VAV3: variants seen among roughly 807,000 people sequenced by gnomAD.
VAV3 encodes the protein guanine nucleotide exchange factor VAV3.
Under a neutral mutation model 131.2 loss-of-function variants are expected in VAV3, and 94 were observed. The observed-to-expected ratio is 0.72, with a 90% CI of 0.61 to 0.85. The LOEUF (loss-of-function observed/expected upper bound fraction) is 0.85. Ranked by LOEUF, VAV3 falls within the 40% of genes least tolerant of loss-of-function variation. The probability of loss-of-function intolerance (pLI) is 0.00; values close to 1 mark genes in which losing one functional copy is unlikely to be tolerated. For synonymous variants in VAV3, 349 were observed against 342.0 expected (o/e 1.02, Z -0.22); for missense variants, 939 against 1,002.7 (o/e 0.94, Z 0.86).
At chr1:107,632,070 T>A (rs1261512145) in intron 20 of VAV3, among the ~76,000 whole-genome samples, 1 of 152,170 alleles carries the variant, frequency 6.6e-6, no homozygotes, top group Non-Finnish European at 1.5e-5. Context: ...TCCACAATGG[T>A]TGAACTAGTT....
chr1:107,633,860 A>C (rs967118645), intron 20 of VAV3, among the ~76,000 whole-genome samples: 1 of 152,116 alleles, frequency 6.6e-6, no homozygotes, highest in African/African-American at 2.4e-5. Context: ...GACAGAGGCT[A>C]ACACTAACTG....
intron 1 of VAV3, among the ~76,000 whole-genome samples, chr1:107,958,722 C>A (rs920878203): frequency 1.3e-5 from 2 of 152,256 alleles, no homozygotes; most frequent in East Asian, 3.9e-4. Context: ...TGGTTTCCTG[C>A]ACCCATCAAC....
At chr1:107,788,254 C>T (rs893106924) in intron 2 of VAV3, among the ~76,000 whole-genome samples, 1 of 152,040 alleles carries the variant, frequency 6.6e-6, no homozygotes, top group African/African-American at 2.4e-5. Context: ...ACCATTACCA[C>T]CATGCCAGCC....
chr1:107,720,312 T>C (rs912218960), intron 15 of VAV3, among the ~76,000 whole-genome samples: 3 of 150,458 alleles, frequency 2.0e-5, no homozygotes, highest in African/African-American at 7.3e-5. Flanking sequence ...GAGCCCAGGA[T>C]GTTGAGGCTG....
chr1:107,925,679 G>A (rs1036668091), intron 1 of VAV3, among the ~76,000 whole-genome samples: 4 of 152,058 alleles, frequency 2.6e-5, no homozygotes, highest in Non-Finnish European at 5.9e-5. Flanking sequence ...GCTAGGGGAA[G>A]GGGGAATAGG....
At chr1:107,797,230 A>G (rs1012391430) in intron 2 of VAV3, among the ~76,000 whole-genome samples, 2 of 152,214 alleles carry the variant, frequency 1.3e-5, no homozygotes, top group Non-Finnish European at 1.5e-5. Flanking sequence ...TACAGTCAGT[A>G]TAATTCAAAC....
chr1:107,895,551 G>A (rs1274586528), intron 1 of VAV3, among the ~76,000 whole-genome samples: 1 of 152,106 alleles, frequency 6.6e-6, no homozygotes. Flanking sequence ...CCAATAGTTA[G>A]AGGAGGTAGG....
At chr1:107,927,120 A>T (rs1331285110) in intron 1 of VAV3, among the ~76,000 whole-genome samples, 1 of 151,784 alleles carries the variant, frequency 6.6e-6, no homozygotes, top group Non-Finnish European at 1.5e-5. Flanking sequence ...CAGCCACAGC[A>T]GGATAGGACA....
At chr1:107,881,477 C>A (rs1670776615) in intron 1 of VAV3, among the ~76,000 whole-genome samples, 1 of 152,182 alleles carries the variant, frequency 6.6e-6, no homozygotes, top group Non-Finnish European at 1.5e-5. Context: ...TAATTCTTGT[C>A]TTCACATATA....
chr1:107,818,715 A>G (rs895121549), intron 2 of VAV3, among the ~76,000 whole-genome samples: 1 of 152,206 alleles, frequency 6.6e-6, no homozygotes, highest in Non-Finnish European at 1.5e-5. Context: ...GTTTAAGACT[A>G]TATACATAAG....
At chr1:107,947,851 C>G (rs1379502419) in intron 1 of VAV3, among the ~76,000 whole-genome samples, 1 of 152,160 alleles carries the variant, frequency 6.6e-6, no homozygotes, top group African/African-American at 2.4e-5. Flanking sequence ...TTCATGGGAG[C>G]AGTCACCCTG....
chr1:107,785,633 A>G, intron 2 of VAV3: 1 of 1,137,050 alleles, frequency 8.8e-7, no homozygotes, highest in Admixed American at 5.5e-5. Context: ...GAAGGATCAG[A>G]GCAAGTGCCC....
intron 1 of VAV3, among the ~76,000 whole-genome samples, chr1:107,904,992 A>T (rs1180176651): frequency 6.6e-6 from 1 of 152,256 alleles, no homozygotes; most frequent in Non-Finnish European, 1.5e-5. Context: ...AGGGATAAGC[A>T]TTCCAGATAG....
intron 15 of VAV3, among the ~76,000 whole-genome samples, chr1:107,731,946 T>C (rs1432575765): frequency 6.6e-6 from 1 of 152,200 alleles, no homozygotes; most frequent in African/African-American, 2.4e-5. Flanking sequence ...AATGGCACCT[T>C]TTTCCTAATT....
chr1:107,954,797 G>A (rs903245039), intron 1 of VAV3, among the ~76,000 whole-genome samples: 1 of 150,772 alleles, frequency 6.6e-6, no homozygotes, highest in Non-Finnish European at 1.5e-5. Context: ...AGTCCTCATC[G>A]CAGTTCACAT....
chr1:107,663,218 C>T (rs1344938541), intron 19 of VAV3, among the ~76,000 whole-genome samples: 1 of 152,024 alleles, frequency 6.6e-6, no homozygotes, highest in African/African-American at 2.4e-5. Context: ...ATATACTTTC[C>T]CTTTGCAGAT....
In VAV3 at chr1:107,573,204, G is replaced by A; in HGVS notation, c.*127C>T. 1.0e-6 allele frequency: 1 copy of A among 986,726 alleles called. No individual in the cohort carries two copies. Among genetic ancestry groups the A allele is most frequent in the Non-Finnish European group, 1.5e-6 (1 of 661,306 alleles). 61.1% of individuals were successfully genotyped at this position (986,726 alleles called of 1,614,324 possible). On this transcript the variant is annotated 3_prime_UTR_variant, in exon 27 of 27. Coordinates refer to ENST00000370056, the MANE Select transcript of VAV3 (RefSeq NM_006113.5). ...GCATTAAGACTTAGGAGGGGCTAAGGAGGGAGGATGTTGAACAGCCAGAAA... is the reference window on the plus strand; with the variant it reads ...GCATTAAGACTTAGGAGGGGCTAAGAAGGGAGGATGTTGAACAGCCAGAAA...
rs56266122 is a variant in VAV3, at chr1:107,733,689, G to C, written c.1502+15279C>G. On this transcript the variant is annotated intron_variant, in intron 15 of 26. Transcript: ENST00000370056. ...AATGAAGCGAGAAGAGAAGTTTAGA[G>C]AAAAAAAAGTAAAAAGAAACAAACA... 2.0e-5 allele frequency among the ~76,000 whole-genome samples: 3 copies of C among 151,632 alleles called. No individual in the cohort carries two copies. The East Asian group carries it at 5.8e-4, about 29-fold the overall frequency.
At chr1:107,757,946 T>C (rs35457852) in intron 10 of VAV3, among the ~76,000 whole-genome samples, 17,518 of 152,218 alleles carry the variant, frequency 0.12, 1,117 homozygotes, top group Non-Finnish European at 0.14. Context: ...TACTGTGAAA[T>C]GTATGTGCTC....
Sources: allele counts gnomAD v4.1 joint callset (sites outside exome capture counted in the v4.1 genomes callset), GRCh38; gene constraint gnomAD v4.1.1; transcripts MANE v1.5; gene names NCBI Gene and HGNC (gene_info 2026-07-23, HGNC 2026-07-21).